Variants in DNAJC13 observed in about 807,000 individuals in gnomAD.
DNAJC13 encodes dnaJ homolog subfamily C member 13.
A neutral mutation model predicts 290.5 loss-of-function variants in DNAJC13; 75 were observed. The ratio of observed to expected loss-of-function variants is 0.26; its 90% CI spans 0.21 to 0.31. The LOEUF (loss-of-function observed/expected upper bound fraction) is 0.31, where lower values mean the gene tolerates loss of function less well. Ranked by LOEUF, DNAJC13 falls within the 10% of genes least tolerant of loss-of-function variation. The probability of loss-of-function intolerance (pLI) is 1.00; values close to 1 mark genes in which losing one functional copy is unlikely to be tolerated. For missense variants in DNAJC13, 2,260 were observed against 2,674.5 expected (o/e 0.85, Z 3.42); for synonymous variants, 862 against 892.0 (o/e 0.97, Z 0.60).
At chr3:132,418,282 C>T (rs1938856456) in intron 1 of DNAJC13, among the ~76,000 whole-genome samples, 2 of 152,212 alleles carry the variant, frequency 1.3e-5, no homozygotes, top group Non-Finnish European at 2.9e-5. Flanking sequence ...TCATTTTCTC[C>T]CCTAAGGCTT....
chr3:132,487,275 G>C (rs1489232647), intron 29 of DNAJC13, among the ~76,000 whole-genome samples: 2 of 151,710 alleles, frequency 1.3e-5, no homozygotes, highest in African/African-American at 4.8e-5. Flanking sequence ...TTTATTTTTT[G>C]AGATGGAGTT....
Position 132,453,795 on chromosome 3 carries a change from G to C in DNAJC13, c.840+101G>C, listed in dbSNP as rs528818930. On this transcript the variant is annotated intron_variant, in intron 8 of 55. Transcript: ENST00000260818. Reference sequence around the variant, plus strand: ...TGTTTACTCATGGCTAAAGAATATGGAATGGACAGAATCTGTATTTAACTC... The same window carrying C: ...TGTTTACTCATGGCTAAAGAATATGCAATGGACAGAATCTGTATTTAACTC... The C allele has an allele frequency of 5.2e-6, 5 of 956,414 alleles. No homozygotes were observed. The East Asian group carries it at 1.2e-4, about 23-fold the overall frequency. 59.2% of individuals were successfully genotyped at this position (956,414 alleles called of 1,614,324 possible).
intron 29 of DNAJC13, among the ~76,000 whole-genome samples, chr3:132,487,900 T>C (rs1934933489): frequency 6.6e-6 from 1 of 152,102 alleles, no homozygotes; most frequent in African/African-American, 2.4e-5. Context: ...GTTTTATTGA[T>C]CATTATTTTC....
chr3:132,537,050 G>A (rs894560330), intron 55 of DNAJC13: 7 of 449,246 alleles, frequency 1.6e-5, no homozygotes, highest in Non-Finnish European at 3.1e-5. Flanking sequence ...TCTGAATGGT[G>A]GCCTTTTTGT....
chr3:132,481,100 G>A (rs1934657051), intron 26 of DNAJC13, among the ~76,000 whole-genome samples: 1 of 152,136 alleles, frequency 6.6e-6, no homozygotes, highest in South Asian at 2.1e-4. Context: ...ACATTTTATA[G>A]ATGAGGAAAC....
Position 132,523,532 on chromosome 3 carries a change from A to C in DNAJC13, c.5887-8A>C. 6.2e-7 allele frequency: 1 copy of C among 1,609,740 alleles called. No individual in the cohort carries two copies. Among genetic ancestry groups the C allele is most frequent in the Non-Finnish European group, 8.5e-7 (1 of 1,178,784 alleles). On this transcript the variant is annotated splice_polypyrimidine_tract_variant and splice_region_variant and intron_variant, in intron 50 of 55. Transcript: ENST00000260818. Reference sequence around the variant, plus strand: ...GTGACTTGACTGTGGTTCTTTCTCTATTTAAAGTTGCCTGAAGATTTTGCT... The same window carrying C: ...GTGACTTGACTGTGGTTCTTTCTCTCTTTAAAGTTGCCTGAAGATTTTGCT...
At chr3:132,483,805 G>C (rs998553380) in intron 28 of DNAJC13, among the ~76,000 whole-genome samples, 26 of 152,192 alleles carry the variant, frequency 1.7e-4, no homozygotes, top group Admixed American at 3.3e-4. Context: ...TTACAAAACT[G>C]AGACTTACAA....
At chr3:132,499,009 C>T (rs1346126498) in intron 36 of DNAJC13, 117 bp from the exon 37 acceptor site, 1 of 938,066 alleles carries the variant, frequency 1.1e-6, no homozygotes, top group Non-Finnish European at 1.6e-6. Context: ...AGCCACCATG[C>T]CTGGCCCCAT....
chr3:132,491,019 T>C lies in DNAJC13; in HGVS notation c.3591T>C (p.Asp1197=). The C allele has an allele frequency of 6.2e-7, 1 of 1,612,616 alleles. No homozygotes were observed. The highest frequency in any genetic ancestry group is 1.3e-5 in the African/African-American group (1 of 74,986). Residue 1197 remains aspartate, a synonymous_variant, in exon 32 of 56, where the codon GAT becomes GAC. Transcript: ENST00000260818. ...CTGAGATTTTTCTAGGAGAATTTGA[T>C]ACTCCAGAAGCAATCTGGAGCAGTG... ...KFSEIFLGEF[D]TPEAIWSSEM...
chr3:132,422,476 C>T (rs552940637), intron 1 of DNAJC13, among the ~76,000 whole-genome samples: 2 of 152,156 alleles, frequency 1.3e-5, no homozygotes, highest in Non-Finnish European at 2.9e-5. Context: ...CATCCTAGCC[C>T]AACCATTACT....
At chr3:132,521,454 CT>C (rs758072417) in intron 48 of DNAJC13, among the ~76,000 whole-genome samples, 1 of 152,180 alleles carries the variant, frequency 6.6e-6, no homozygotes. Context: ...GAGCAAAACT[CT>C]TGCTTTATGA....
intron 16 of DNAJC13, 107 bp downstream of exon 16, chr3:132,462,630 C>A: frequency 2.7e-6 from 2 of 741,068 alleles, no homozygotes; most frequent in South Asian, 4.2e-5. Flanking sequence ...AAACATTTCT[C>A]TGGGTAAGAA....
rs539962334 is a variant in DNAJC13 at position 132,439,721 on chromosome 3, G to A, written c.68+5103G>A. Reference sequence around the variant, plus strand: ...AAGGCCTTAAAATATTACATTTCATGGGATGCCCTTTTATTTCTTCTAAAG... The same window carrying A: ...AAGGCCTTAAAATATTACATTTCATAGGATGCCCTTTTATTTCTTCTAAAG... On this transcript the variant is annotated intron_variant, in intron 2 of 55. Coordinates refer to ENST00000260818, the MANE Select transcript of DNAJC13 (RefSeq NM_015268.4). Among the ~76,000 whole-genome samples the A allele has an allele frequency of 6.6e-5, 10 of 152,284 alleles. No individual in the cohort carries two copies. In the South Asian group the frequency reaches 2.1e-3, roughly 32 times the overall value.
chr3:132,526,213 A>G lies in DNAJC13; in HGVS notation c.6313A>G (p.Thr2105Ala). The change falls in exon 53 of 56, where the codon ACT becomes GCT. Residue 2105 changes from threonine (T) to alanine (A), a missense_variant. Transcript: ENST00000260818. ...LMNGMKKRADTVGLACEAINR... is the reference protein window; with the variant it reads ...LMNGMKKRADAVGLACEAINR... ...GAATGGAATGAAAAAGCGAGCAGAT[A>G]CTGTTGGTCTAGCCTGTGAAGCAAT... is the stretch of plus-strand genomic sequence containing the variant. 1 of 1,614,106 alleles carries G rather than the reference A, an allele frequency of 6.2e-7. No individual in the cohort carries two copies. The highest frequency in any genetic ancestry group is 8.5e-7 in the Non-Finnish European group (1 of 1,179,992).
chr3:132,533,874 G>A (rs1308334894), intron 55 of DNAJC13, among the ~76,000 whole-genome samples: 2 of 152,182 alleles, frequency 1.3e-5, no homozygotes, highest in African/African-American at 4.8e-5. Flanking sequence ...TTTATCTTCA[G>A]AAACCTGGAC....
chr3:132,446,419 C>G, intron 2 of DNAJC13, 56 bp from the exon 3 acceptor site: 1 of 1,229,694 alleles, frequency 8.1e-7, no homozygotes, highest in Non-Finnish European at 1.2e-6. Context: ...TATATATTTT[C>G]TTATAAAATA....
At chr3:132,494,933 A>G (rs1236303099) in intron 34 of DNAJC13, among the ~76,000 whole-genome samples, 155 bp from the exon 35 acceptor site, 1 of 152,128 alleles carries the variant, frequency 6.6e-6, no homozygotes, top group Non-Finnish European at 1.5e-5. Flanking sequence ...TTAAAAAAAA[A>G]AAATCTTAAT....
At position 132,466,175 on chromosome 3, in the gene DNAJC13, T is replaced by C. The variant is rs1933972960; in HGVS notation, c.1968+105T>C. 7 of 1,396,692 alleles carry C rather than the reference T, an allele frequency of 5.0e-6. No individual in the cohort carries two copies. The South Asian group carries it at 6.1e-5, about 12-fold the overall frequency. The allele number at this position is 1,396,692 out of a possible 1,614,324, so 86.5% of individuals were successfully genotyped here. A position where few individuals can be genotyped will look rare whatever the true frequency, so the allele number is the denominator to read the frequency against. On this transcript the variant is annotated intron_variant, in intron 18 of 55. Transcript: ENST00000260818. The stretch of plus-strand genomic sequence containing the variant: ...TGGTTTGTTTTTTATTGAAAAGTTA[T>C]TTATCATAGGAGTTACCGTAAAGTT...
At chr3:132,516,298 A>AT (rs1454555035) in intron 46 of DNAJC13, 124 bp from the exon 47 acceptor site, 6 of 854,434 alleles carry the variant, frequency 7.0e-6, no homozygotes, top group Non-Finnish European at 1.1e-5. Flanking sequence ...CTCACTGGTT[A>AT]TTATGAGGAT....
Sources: gnomAD v4.1 joint callset for allele counts (sites outside exome capture counted in the v4.1 genomes callset) on GRCh38, gnomAD v4.1.1 for gene constraint, MANE v1.5 for transcripts, NCBI Gene and HGNC (gene_info 2026-07-23, HGNC 2026-07-21) for gene names.